Variants in ELP1 observed in about 807,000 individuals in gnomAD.
ELP1 encodes elongator complex protein 1.
In ELP1, 131 loss-of-function variants were observed where a neutral mutation model predicts 183.2. That is an observed-to-expected ratio of 0.72 (90% CI 0.62 to 0.83). The LOEUF (loss-of-function observed/expected upper bound fraction) is 0.83, where lower values mean the gene tolerates loss of function less well. Among genes scored for constraint, ELP1 ranks in the 40% least tolerant of loss-of-function variants. The probability of loss-of-function intolerance (pLI) is 0.00; values close to 1 mark genes in which losing one functional copy is unlikely to be tolerated. For synonymous variants in ELP1, 555 were observed against 569.0 expected, an observed-to-expected ratio of 0.98 and a Z score of 0.35; for missense variants, 1,550 against 1,594.9, an observed-to-expected ratio of 0.97 and a Z score of 0.48.
At chr9:108,914,846 C>T (rs1041590231) in intron 10 of ELP1, among the ~76,000 whole-genome samples, 6 of 152,250 alleles carry the variant, frequency 3.9e-5, no homozygotes, top group Non-Finnish European at 8.8e-5. Flanking sequence ...AGGATGGTCT[C>T]GATCTCCTGA....
At chr9:108,931,372 T>C (rs1186465230) in intron 1 of ELP1, among the ~76,000 whole-genome samples, 171 bp from the exon 2 acceptor site, 1 of 152,228 alleles carries the variant, frequency 6.6e-6, no homozygotes, top group Non-Finnish European at 1.5e-5. Flanking sequence ...TGACCCACTC[T>C]ATACAGTTAT....
intron 33 of ELP1, among the ~76,000 whole-genome samples, chr9:108,879,209 A>T (rs1201338274): frequency 3.3e-5 from 5 of 152,232 alleles, no homozygotes; most frequent in African/African-American, 1.2e-4. Flanking sequence ...CAGGGGAGGA[A>T]CTGCCTCGTG....
At chr9:108,893,444 T>A (rs569434184) in intron 26 of ELP1, among the ~76,000 whole-genome samples, 13 of 152,180 alleles carry the variant, frequency 8.5e-5, no homozygotes, top group Non-Finnish European at 1.5e-4. Context: ...AGCTGAAGGC[T>A]TAACATGCAC....
intron 35 of ELP1, 68 bp from the exon 36 acceptor site, chr9:108,875,038 C>T: frequency 9.6e-7 from 1 of 1,043,774 alleles, no homozygotes; most frequent in Non-Finnish European, 1.5e-6. Context: ...ATACCAAAGG[C>T]CAAATCCCTA....
chr9:108,919,866 TCTC>T (rs1331782491), intron 6 of ELP1, among the ~76,000 whole-genome samples: 1 of 151,968 alleles, frequency 6.6e-6, no homozygotes, highest in East Asian at 1.9e-4. Context: ...GGAAGAAACG[TCTC>T]CTCCAGGGCC....
chr9:108,929,734 T>G, intron 3 of ELP1, 35 bp downstream of exon 3: 6 of 1,611,036 alleles, frequency 3.7e-6, no homozygotes, highest in Non-Finnish European at 5.1e-6. Context: ...TTGAGGATGC[T>G]TGAGACTCCC....
intron 36 of ELP1, among the ~76,000 whole-genome samples, chr9:108,870,446 A>G (rs899486911): frequency 1.3e-5 from 2 of 152,212 alleles, no homozygotes; most frequent in Non-Finnish European, 2.9e-5. Flanking sequence ...AAAGAAAACA[A>G]TATTTACTAT....
chr9:108,879,620 G>C, intron 32 of ELP1, 63 bp from the exon 33 acceptor site: 1 of 1,202,178 alleles, frequency 8.3e-7, no homozygotes, highest in Non-Finnish European at 1.2e-6. Context: ...TTTACTTTCA[G>C]GGCGGTAAAT....
At chr9:108,893,137 G>A in intron 26 of ELP1, 54 bp from the exon 27 acceptor site, 1 of 1,225,994 alleles carries the variant, frequency 8.2e-7, no homozygotes, top group Admixed American at 1.7e-5. Flanking sequence ...AAGCATAATG[G>A]ACTTCATTTA....
intron 23 of ELP1, 55 bp from the exon 24 acceptor site, chr9:108,897,093 G>A (rs1828583040): frequency 6.2e-7 from 1 of 1,613,816 alleles, no homozygotes. Flanking sequence ...GCTGGACAAG[G>A]ACAACTACAC....
chr9:108,899,776 C>T (rs1454629540), intron 20 of ELP1, 46 bp downstream of exon 20: 4 of 1,428,696 alleles, frequency 2.8e-6, no homozygotes, highest in African/African-American at 1.4e-5. Context: ...TGTCTTCACA[C>T]ATAAATCACA....
chr9:108,929,744 C>A, intron 3 of ELP1, 25 bp downstream of exon 3: 1 of 1,611,886 alleles, frequency 6.2e-7, no homozygotes, highest in Non-Finnish European at 8.5e-7. Context: ...TTGAGACTCC[C>A]CCCTCACTGG....
Position 108,897,263 on chromosome 9 carries a change from T to G in ELP1, c.2386A>C (p.Met796Leu), listed in dbSNP as rs748482757. The G allele has an allele frequency of 1.2e-6, 2 of 1,614,162 alleles. No homozygotes were observed. The highest frequency in any genetic ancestry group is 2.2e-5 in the South Asian group (2 of 91,086). ...CTGCTGGTAACTGGTGCAGGGTACA[T>G]GGTCTTCGTGACATCTTCTTCTCTA... Reference protein sequence around the residue: ...ELKEEDVTKTMYPAPVTSSVY... With the variant: ...ELKEEDVTKTLYPAPVTSSVY... The change falls in exon 23 of 37, where the codon ATG becomes CTG. Residue 796 changes from methionine to leucine, a missense_variant. Transcript: ENST00000374647.
At chr9:108,878,923 T>C (rs1195173562) in intron 33 of ELP1, among the ~76,000 whole-genome samples, 173 bp from the exon 34 acceptor site, 1 of 152,236 alleles carries the variant, frequency 6.6e-6, no homozygotes, top group Non-Finnish European at 1.5e-5. Flanking sequence ...CTTGCATTGC[T>C]TTACACATCC....
Position 108,882,117 on chromosome 9 carries a change from ATTC to A in ELP1, c.3285+5_3285+7del. ...ACCCAACATCCAGAGGATTTACAAG[ATTC>A]TTACCAGCCTCAAAGCTTCTTCCCA... is the stretch of plus-strand genomic sequence containing the variant. On this transcript the variant is annotated splice_donor_5th_base_variant and intron_variant, in intron 30 of 36. Transcript: ENST00000374647. 1 of 1,612,704 alleles carries A rather than the reference ATTC, an allele frequency of 6.2e-7. No individual in the cohort carries two copies. Among genetic ancestry groups the A allele is most frequent in the Non-Finnish European group, 8.5e-7 (1 of 1,179,118 alleles).
chr9:108,905,534 T>C (rs1461857031), intron 14 of ELP1, among the ~76,000 whole-genome samples: 2 of 152,186 alleles, frequency 1.3e-5, no homozygotes, highest in East Asian at 3.8e-4. Context: ...ATGGTAAATG[T>C]AGTCAGGTAC....
At position 108,929,846 on chromosome 9, in the gene ELP1, C is replaced by A; in HGVS notation, c.226G>T (p.Asp76Tyr). Residue 76 changes from aspartate to tyrosine, a missense_variant, in exon 3 of 37, where the codon GAC becomes TAC. Physicochemically the swap from Asp to Tyr is radical, Grantham distance 160. Transcript: ENST00000374647. ...DGSGRIVGVQ[D>Y]LLDQESVCVA... ...CACACAGACTCCTGATCCAGCAAGTCCTGAACACCAACAATGCGGCCACTT... is the reference window on the plus strand; with the variant it reads ...CACACAGACTCCTGATCCAGCAAGTACTGAACACCAACAATGCGGCCACTT... The A allele has an allele frequency of 6.2e-7, 1 of 1,613,974 alleles. No individual in the cohort carries two copies. The highest frequency in any genetic ancestry group is 8.5e-7 in the Non-Finnish European group (1 of 1,180,036).
intron 10 of ELP1, 113 bp from the exon 11 acceptor site, chr9:108,912,607 G>T (rs1249178129): frequency 4.0e-6 from 3 of 745,142 alleles, no homozygotes; most frequent in East Asian, 5.1e-5. Flanking sequence ...TTCCTGCTCA[G>T]CCTCGTCTCT....
chr9:108,931,737 C>G (rs532760561), intron 1 of ELP1, among the ~76,000 whole-genome samples: 1 of 152,266 alleles, frequency 6.6e-6, no homozygotes, highest in South Asian at 2.1e-4. Flanking sequence ...AAAGCATTTA[C>G]TGTTCTAAAG....
Sources: allele counts gnomAD v4.1 joint callset (sites outside exome capture counted in the v4.1 genomes callset), GRCh38; gene constraint gnomAD v4.1.1; transcripts MANE v1.5; gene names NCBI Gene and HGNC (gene_info 2026-07-23, HGNC 2026-07-21).